Variants in TRPV6 observed in about 807,000 individuals in gnomAD.
TRPV6 encodes transient receptor potential cation channel subfamily V member 6.
TRPV6 carries 39 observed loss-of-function variants against 79.0 expected under a neutral mutation model. The observed-to-expected ratio is 0.49, with a 90% CI of 0.38 to 0.64. The LOEUF (loss-of-function observed/expected upper bound fraction) is 0.64. Among genes scored for constraint, TRPV6 ranks in the 30% least tolerant of loss-of-function variants. The pLI is 0.00. For synonymous variants in TRPV6, 373 were observed against 391.9 expected (o/e 0.95, Z 0.57); for missense variants, 813 against 1,011.1 (o/e 0.80, Z 2.66).
At chr7:142,877,568 T>A in intron 3 of TRPV6, 83 bp downstream of exon 3, 2 of 1,556,674 alleles carry the variant, frequency 1.3e-6, no homozygotes, top group Non-Finnish European at 1.7e-6. Flanking sequence ...CCTGTGTCTT[T>A]CCCAAATTAT....
At chr7:142,882,206 T>C (rs1006730399) in intron 1 of TRPV6, 7 of 152,406 alleles carry the variant, frequency 4.6e-5, no homozygotes, top group African/African-American at 1.7e-4. Flanking sequence ...TCGGAGTGCG[T>C]GGCTTCTTGC....
At chr7:142,872,095 C>T (rs1328172628) in intron 14 of TRPV6, 106 bp from the exon 15 acceptor site, 2 of 1,441,966 alleles carry the variant, frequency 1.4e-6, no homozygotes, top group Non-Finnish European at 1.8e-6. Context: ...CCATTGCTGG[C>T]CTTTTCCCTT....
At chr7:142,874,241 C>A (rs1795005875) in intron 11 of TRPV6, 99 bp from the exon 12 acceptor site, 2 of 1,368,558 alleles carry the variant, frequency 1.5e-6, no homozygotes, top group Non-Finnish European at 1.0e-6. Flanking sequence ...CTCACAGCTC[C>A]ACCCTCTGGG....
chr7:142,875,525 C>T lies in TRPV6; in HGVS notation c.1185G>A (p.Arg395=). 2 of 1,610,722 alleles carry T rather than the reference C, an allele frequency of 1.2e-6. No homozygotes were observed. The highest frequency in any genetic ancestry group is 1.7e-6 in the Non-Finnish European group (2 of 1,179,326). The change falls in exon 8 of 15, where the codon AGG becomes AGA. Residue 395 remains arginine, a synonymous_variant. Coordinates refer to ENST00000359396, the MANE Select transcript of TRPV6 (RefSeq NM_018646.6). ...CCCGGGGGCTCGTGCGGTTATTGGT[C>T]CTGGGCTTGAGGGGGCGGTAGATGC...
Position 142,876,593 on chromosome 7 carries a change from A to C in TRPV6, c.707-10T>G, listed in dbSNP as rs1795077640. The C allele has an allele frequency of 6.2e-7, 1 of 1,613,820 alleles. No individual in the cohort carries two copies. The highest frequency in any genetic ancestry group is 1.3e-5 in the African/African-American group (1 of 74,934). Reference sequence around the variant, plus strand: ...TGTAACACTGTGTTTCCTGGGGAGGACACAGGGTATCATGTGGCCACTGGC... The same window carrying C: ...TGTAACACTGTGTTTCCTGGGGAGGCCACAGGGTATCATGTGGCCACTGGC... On this transcript the variant is annotated splice_polypyrimidine_tract_variant and intron_variant, in intron 5 of 14. Transcript: ENST00000359396.
At chr7:142,876,954 CTT>C in intron 4 of TRPV6, 117 bp from the exon 5 acceptor site, 1 of 1,481,998 alleles carries the variant, frequency 6.7e-7, no homozygotes, top group Non-Finnish European at 9.1e-7. Flanking sequence ...CTTGAGGACA[CTT>C]TTCCTGCAGA....
At chr7:142,877,884 G>T (rs74680532) in intron 2 of TRPV6, 45 bp downstream of exon 2, 2 of 1,610,520 alleles carry the variant, frequency 1.2e-6, no homozygotes, top group African/African-American at 2.7e-5. Context: ...GAGGCCCCAT[G>T]TGTGGGGCTC....
intron 1 of TRPV6, chr7:142,880,040 A>G (rs2116527474): frequency 6.6e-6 from 1 of 151,396 alleles, no homozygotes; most frequent in East Asian, 2.0e-4. Flanking sequence ...CACTGACACC[A>G]TCTGTAGAGT....
rs1338387722 is a variant in TRPV6, at chr7:142,885,600, C to A, written c.37G>T (p.Gly13Trp). Residue 13 changes from glycine to tryptophan, a missense_variant, in exon 1 of 15, where the codon GGG becomes TGG. Gly to Trp is a radical substitution (Grantham distance 184). Around this residue, in one of 3 missense-constraint regions of TRPV6, gnomAD observed 555 missense variants for 631.0 expected, o/e 0.88. Coordinates refer to ENST00000359396, the MANE Select transcript of TRPV6 (RefSeq NM_018646.6). ...AGCCTTGGGGCCACATCAGCCCCCC[C>A]AAGGGCCGGCCCACCGTCTCCCTGT... The A allele has an allele frequency of 3.8e-5, 56 of 1,488,920 alleles. No homozygotes were observed. Among genetic ancestry groups the A allele is most frequent in the Middle Eastern group, 2.2e-4 (1 of 4,536 alleles). 92.2% of individuals were successfully genotyped at this position (1,488,920 alleles called of 1,614,324 possible).
chr7:142,885,123 C>T (rs1028356409), intron 1 of TRPV6: 3 of 299,420 alleles, frequency 1.0e-5, no homozygotes, highest in African/African-American at 6.4e-5. Flanking sequence ...ACGCCTGGCC[C>T]TTAGAGAAGT....
At position 142,873,436 on chromosome 7, in the gene TRPV6, C is replaced by G; in HGVS notation, c.1908+12G>C. On this transcript the variant is annotated intron_variant, in intron 13 of 14. Transcript: ENST00000359396. This position sits in a 1 kb window ranked among gnomAD's most constrained non-coding sequence, Gnocchi z 4.8. ...GACTTGCCCTAACCCTCCCTGCCAC[C>G]AGGGGGCTCACCTGGGCCCTCCACA... 1 of 1,612,186 alleles carries G rather than the reference C, an allele frequency of 6.2e-7. No homozygotes were observed. Among genetic ancestry groups the G allele is most frequent in the Non-Finnish European group, 8.5e-7 (1 of 1,178,656 alleles).
At chr7:142,875,994 C>G in intron 6 of TRPV6, 90 bp from the exon 7 acceptor site, 3 of 1,406,090 alleles carry the variant, frequency 2.1e-6, no homozygotes, top group Non-Finnish European at 2.9e-6. Flanking sequence ...GGACGGCACC[C>G]CTGGAGAAGG....
chr7:142,884,676 C>T (rs1029380701), intron 1 of TRPV6: 1 of 152,184 alleles, frequency 6.6e-6, no homozygotes, highest in African/African-American at 2.4e-5. Context: ...GCTAGAGTCT[C>T]GATTTCCACC....
At chr7:142,883,115 T>C (rs1200246205) in intron 1 of TRPV6, 1 of 152,196 alleles carries the variant, frequency 6.6e-6, no homozygotes, top group Non-Finnish European at 1.5e-5. Context: ...AGTGTCATAT[T>C]CATTTTCTGC....
chr7:142,875,886 G>T lies in TRPV6; in HGVS notation c.901C>A (p.Gln301Lys). ...GTCCACTGGGTGTGCTTCCGCTTCT[G>T]CATCAGGTGCTGAAACATCTAAGGG... Residue 301 changes from glutamine to lysine, a missense_variant, in exon 7 of 15, where the codon CAG becomes AAG. Gln to Lys is a moderately conservative substitution (Grantham distance 53, BLOSUM62 1). Coordinates refer to ENST00000359396, the MANE Select transcript of TRPV6 (RefSeq NM_018646.6). The T allele has an allele frequency of 6.3e-7, 1 of 1,587,580 alleles. No individual in the cohort carries two copies. Among genetic ancestry groups the T allele is most frequent in the South Asian group, 1.2e-5 (1 of 86,486 alleles).
rs183289192 is a variant in TRPV6, at chr7:142,885,468, T to G, written c.169A>C (p.Ser57Arg). 3.1e-6 allele frequency: 5 copies of G among 1,613,760 alleles called. No homozygotes were observed. In the African/African-American group the frequency reaches 6.7e-5, roughly 22 times the overall value. ...CTCTGGAACCATCTGCAGAACTTGCTCCATAGGCAGAGAATTAGCCCTTTC... is the reference window on the plus strand; with the variant it reads ...CTCTGGAACCATCTGCAGAACTTGCGCCATAGGCAGAGAATTAGCCCTTTC... Residue 57 changes from serine (S) to arginine (R), a missense_variant, in exon 1 of 15, where the codon AGC becomes CGC. By Grantham distance (110) the Ser-to-Arg change is moderately radical. This residue lies in a region of TRPV6 where 555 missense variants were observed against 631.0 expected (regional missense o/e 0.88). Coordinates refer to ENST00000359396, the MANE Select transcript of TRPV6 (RefSeq NM_018646.6).
At position 142,873,466 on chromosome 7, in the gene TRPV6, A is replaced by G. The variant is rs1401940688; in HGVS notation, c.1890T>C (p.Asp630=). The G allele has an allele frequency of 6.2e-7, 1 of 1,614,062 alleles. No individual in the cohort carries two copies. The highest frequency in any genetic ancestry group is 8.5e-7 in the Non-Finnish European group (1 of 1,179,984). Residue 630 remains aspartate, a synonymous_variant, in exon 13 of 15, where the codon GAT becomes GAC. Coordinates refer to ENST00000359396, the MANE Select transcript of TRPV6 (RefSeq NM_018646.6). This position sits in a 1 kb window ranked among gnomAD's most constrained non-coding sequence, Gnocchi z 4.8. ...GGCTCACCTGGGCCCTCCACAGCTCATCCCGCTCATGGGCCACTCGCCAGT... is the reference window on the plus strand; with the variant it reads ...GGCTCACCTGGGCCCTCCACAGCTCGTCCCGCTCATGGGCCACTCGCCAGT...
intron 4 of TRPV6, 48 bp downstream of exon 4, chr7:142,877,094 T>C: frequency 1.3e-6 from 2 of 1,585,512 alleles, no homozygotes; most frequent in Non-Finnish European, 1.7e-6. Context: ...TGCCCTGCCT[T>C]GCCCACCTTT....
At chr7:142,874,764 C>G (rs1050725233) in intron 10 of TRPV6, 108 bp from the exon 11 acceptor site, 66 of 1,554,912 alleles carry the variant, frequency 4.2e-5, no homozygotes, top group Non-Finnish European at 5.3e-5. Context: ...TTCAGCCTCC[C>G]CACACTCAAT....
Sources: gnomAD v4.1 joint callset for allele counts on GRCh38, gnomAD v4.1.1 for gene constraint, gnomAD v4.1.1 regional missense constraint, Gnocchi (gnomAD v3.1) non-coding constraint, MANE v1.5 for transcripts, NCBI Gene and HGNC (gene_info 2026-07-23, HGNC 2026-07-21) for gene names.